The following USP6NL variants were observed in gnomAD, a reference collection of about 807,000 sequenced individuals.
The protein encoded by USP6NL is USP6 N-terminal like, also known as USP6 N-terminal-like protein.
In USP6NL, 26 loss-of-function variants were observed where a neutral mutation model predicts 61.9. The ratio of observed to expected loss-of-function variants is 0.42; its 90% CI spans 0.31 to 0.58. The LOEUF is 0.58. Ranked by LOEUF, USP6NL falls within the 20% of genes least tolerant of loss-of-function variation. USP6NL has a pLI of 0.16. For missense variants in USP6NL, 1,114 were observed against 1,034.3 expected (o/e 1.08, Z -1.06); for synonymous variants, 432 against 390.1 (o/e 1.11, Z -1.27).
intron 8 of USP6NL, among the ~76,000 whole-genome samples, chr10:11,492,176 T>A (rs1833732454): frequency 6.6e-6 from 1 of 152,214 alleles, no homozygotes; most frequent in Admixed American, 6.5e-5. Context: ...AATAATGGTA[T>A]CATGTTAGAT....
intron 2 of USP6NL, among the ~76,000 whole-genome samples, chr10:11,533,371 A>AG (rs1185271585): frequency 1.3e-5 from 2 of 152,264 alleles, no homozygotes; most frequent in African/African-American, 2.4e-5. Flanking sequence ...CTGCCCTGCC[A>AG]GGGATGTCCA....
rs953303287 is a variant in USP6NL at position 11,489,775 on chromosome 10, C to A, written c.544-553G>T. Among the ~76,000 whole-genome samples the A allele has an allele frequency of 9.9e-5, 15 of 152,226 alleles. No individual in the cohort carries two copies. Among genetic ancestry groups the A allele is most frequent in the African/African-American group, 3.6e-4 (15 of 41,444 alleles). ...TAATGGACCAGAAGAGGACAGCTGA[C>A]CCCAGGGGAACAGTTATTTGGTTGC... On this transcript the variant is annotated intron_variant, in intron 9 of 14. Transcript: ENST00000609104. The surrounding 1 kb of genome is among the most constrained non-coding windows in gnomAD (Gnocchi z 5.7).
At chr10:11,557,503 A>G (rs1836754634) in intron 2 of USP6NL, among the ~76,000 whole-genome samples, 1 of 152,262 alleles carries the variant, frequency 6.6e-6, no homozygotes, top group Non-Finnish European at 1.5e-5. Flanking sequence ...CAAAGATGCC[A>G]TGATTTTAAA....
chr10:11,470,213 G>A lies in USP6NL; in HGVS notation c.1079-6364C>T, dbSNP rs1394671057. ...GAGGACCAGAGAAGCAGCCAGCAGC[G>A]CAGAGGGCATGAGGATGGAGAAGGT... On this transcript the variant is annotated intron_variant, in intron 14 of 14. Transcript: ENST00000609104. This position sits in a 1 kb window ranked among gnomAD's most constrained non-coding sequence, Gnocchi z 5.4. Among the ~76,000 whole-genome samples the A allele has an allele frequency of 2.0e-5, 3 of 152,144 alleles. No individual in the cohort carries two copies. Among genetic ancestry groups the A allele is most frequent in the South Asian group, 2.1e-4 (1 of 4,818 alleles).
At position 11,568,942 on chromosome 10, in the gene USP6NL, G is replaced by C. The variant is rs1313160047; in HGVS notation, c.4+28689C>G. 5.9e-5 allele frequency among the ~76,000 whole-genome samples: 9 copies of C among 152,110 alleles called. No individual in the cohort carries two copies. The East Asian group carries it at 1.7e-3, about 29-fold the overall frequency. On this transcript the variant is annotated intron_variant, in intron 2 of 14. Coordinates refer to ENST00000609104, the MANE Select transcript of USP6NL (RefSeq NM_014688.5). ...TTTGCTGGTTTGTTTTTTAACCTAG[G>C]GCACTAACACTCTAAACACAAGAGA...
At chr10:11,505,922 G>GT (rs970152027) in intron 6 of USP6NL, among the ~76,000 whole-genome samples, 11 of 152,102 alleles carry the variant, frequency 7.2e-5, no homozygotes, top group African/African-American at 2.7e-4. Flanking sequence ...TGGCTCCTTT[G>GT]TTTCTGCCTT....
intron 1 of USP6NL, among the ~76,000 whole-genome samples, chr10:11,607,404 C>T: frequency 6.6e-6 from 1 of 152,156 alleles, no homozygotes; most frequent in East Asian, 1.9e-4. Flanking sequence ...AAAATATTAG[C>T]CAGGCAAAGT....
Position 11,481,515 on chromosome 10 carries a change from G to C in USP6NL, c.1078+255C>G, listed in dbSNP as rs1374196444. On this transcript the variant is annotated intron_variant, in intron 14 of 14. Transcript: ENST00000609104. This position sits in a 1 kb window ranked among gnomAD's most constrained non-coding sequence, Gnocchi z 4.4. ...CTACTTCTGTTGAACAACAGTATTT[G>C]CCAACCAAACTTCTAAATGTAAGCA... is the stretch of plus-strand genomic sequence containing the variant. 6.6e-6 allele frequency among the ~76,000 whole-genome samples: 1 copy of C among 152,178 alleles called. No homozygotes were observed. Among genetic ancestry groups the C allele is most frequent in the African/African-American group, 2.4e-5 (1 of 41,444 alleles).
intron 8 of USP6NL, among the ~76,000 whole-genome samples, chr10:11,492,756 T>A (rs1327732201): frequency 1.3e-5 from 2 of 152,186 alleles, no homozygotes; most frequent in East Asian, 1.9e-4. Context: ...GTCCCTTTTT[T>A]AAAAAAAGTT....
chr10:11,604,560 T>C (rs1406679482), intron 1 of USP6NL, among the ~76,000 whole-genome samples: 1 of 152,122 alleles, frequency 6.6e-6, no homozygotes, highest in Admixed American at 6.6e-5. Flanking sequence ...GGAAAATAAT[T>C]TTTTGTGATA....
Position 11,477,459 on chromosome 10 carries a change from C to T in USP6NL, c.1078+4311G>A, listed in dbSNP as rs139644168. Among the ~76,000 whole-genome samples the T allele has an allele frequency of 4.9e-3, 741 of 152,208 alleles. 4 individuals are homozygous for T. Among genetic ancestry groups the T allele is most frequent in the African/African-American group, 0.017 (705 of 41,524 alleles). ...TAAATGACCAAATGACCCACATTGA[C>T]CTTAGAAGATAAATCAAAACATTAA... On this transcript the variant is annotated intron_variant, in intron 14 of 14. Transcript: ENST00000609104.
At chr10:11,538,229 T>C (rs1835912317) in intron 2 of USP6NL, among the ~76,000 whole-genome samples, 1 of 152,198 alleles carries the variant, frequency 6.6e-6, no homozygotes, top group Non-Finnish European at 1.5e-5. Context: ...GATTTTATTA[T>C]AACAGAGAAG....
At chr10:11,486,935 T>C (rs543293309) in intron 10 of USP6NL, among the ~76,000 whole-genome samples, 2 of 152,246 alleles carry the variant, frequency 1.3e-5, no homozygotes, top group African/African-American at 2.4e-5. Flanking sequence ...TACAATCTAC[T>C]GGGCAGAATT....
In USP6NL at chr10:11,510,299, C is replaced by A. The variant is rs1231212275; in HGVS notation, c.196-624G>T. Reference sequence around the variant, plus strand: ...ACGGCAGAAGGGGCAGTCAAATCCACCTAGGCATGCCAGAGAAAATGATCC... The same window carrying A: ...ACGGCAGAAGGGGCAGTCAAATCCAACTAGGCATGCCAGAGAAAATGATCC... On this transcript the variant is annotated intron_variant, in intron 5 of 14. Transcript: ENST00000609104. This position sits in a 1 kb window ranked among gnomAD's most constrained non-coding sequence, Gnocchi z 4.8. Among the ~76,000 whole-genome samples, 1 of 152,120 alleles carries A rather than the reference C, an allele frequency of 6.6e-6. No homozygotes were observed. The highest frequency in any genetic ancestry group is 1.9e-4 in the East Asian group (1 of 5,202).
chr10:11,579,819 GTTTTCTA>G (rs1392869049), intron 2 of USP6NL, among the ~76,000 whole-genome samples: 1 of 151,146 alleles, frequency 6.6e-6, no homozygotes, highest in African/African-American at 2.4e-5. Flanking sequence ...GATAGTAAAT[GTTTTCTA>G]TTTTGTGAGC....
intron 5 of USP6NL, among the ~76,000 whole-genome samples, chr10:11,517,594 T>C (rs1835010365): frequency 6.6e-6 from 1 of 152,224 alleles, no homozygotes; most frequent in South Asian, 2.1e-4. Context: ...ACCTCTAGGT[T>C]ATGATACTGA....
chr10:11,560,765 C>T (rs1338228563), intron 2 of USP6NL, among the ~76,000 whole-genome samples: 1 of 146,924 alleles, frequency 6.8e-6, no homozygotes, highest in East Asian at 2.0e-4. Context: ...ATTATTTTAT[C>T]CATAATCAAG....
In USP6NL at chr10:11,511,381, T is replaced by C. The variant is rs1333521002; in HGVS notation, c.196-1706A>G. On this transcript the variant is annotated intron_variant, in intron 5 of 14. Coordinates refer to ENST00000609104, the MANE Select transcript of USP6NL (RefSeq NM_014688.5). This position sits in a 1 kb window ranked among gnomAD's most constrained non-coding sequence, Gnocchi z 4.9. ...AAATCTAATTAATGTTTCTGCTAAA[T>C]GTGACTTTAGAGAAGGCCAAGCTGT... is the stretch of plus-strand genomic sequence containing the variant. 2.0e-5 allele frequency among the ~76,000 whole-genome samples: 3 copies of C among 152,218 alleles called. No individual in the cohort carries two copies. The highest frequency in any genetic ancestry group is 2.1e-4 in the South Asian group (1 of 4,832).
chr10:11,609,356 T>C (rs1240965518), intron 1 of USP6NL, among the ~76,000 whole-genome samples: 1 of 152,168 alleles, frequency 6.6e-6, no homozygotes, highest in Non-Finnish European at 1.5e-5. Context: ...CATGAGCCAC[T>C]GCAACCCGCC....
Sources: gnomAD v4.1 joint callset for allele counts (sites outside exome capture counted in the v4.1 genomes callset) on GRCh38, gnomAD v4.1.1 for gene constraint, Gnocchi (gnomAD v3.1) non-coding constraint, MANE v1.5 for transcripts, NCBI Gene and HGNC (gene_info 2026-07-23, HGNC 2026-07-21) for gene names.